C2orf66: variants seen among roughly 807,000 people sequenced by gnomAD.
C2orf66 encodes chromosome 2 open reading frame 66, also known as uncharacterized protein C2orf66.
A neutral mutation model predicts 7.0 loss-of-function variants in C2orf66; 6 were observed. The ratio of observed to expected loss-of-function variants is 0.86; its 90% CI spans 0.47 to 1.69. C2orf66 has a LOEUF of 1.69. Among genes scored for constraint, C2orf66 ranks in the 40% most tolerant of loss-of-function variants. The pLI is 0.01. For missense variants in C2orf66, 107 were observed against 112.0 expected, an observed-to-expected ratio of 0.96 and a Z score of 0.20; for synonymous variants, 38 against 43.8, an observed-to-expected ratio of 0.87 and a Z score of 0.52.
At chr2:196,812,697 C>T (rs573005208), upstream of C2orf66, among the ~76,000 whole-genome samples, 5 of 152,194 alleles carry the variant, frequency 3.3e-5, no homozygotes, top group African/African-American at 9.6e-5. Context: ...TTGTCTCAGC[C>T]CAAAATCTCC....
the C2orf66 span, among the ~76,000 whole-genome samples, chr2:196,814,876 A>G: frequency 6.6e-6 from 1 of 152,384 alleles, no homozygotes; most frequent in South Asian, 2.1e-4. Flanking sequence ...AAGGTAACAT[A>G]CATACTATAG....
the C2orf66 span, among the ~76,000 whole-genome samples, chr2:196,828,230 TCACACACA>T: frequency 0.08 from 10,006 of 124,996 alleles, 383 homozygotes; most frequent in South Asian, 0.12. Context: ...TCTCTCTCTC[TCACACACA>T]CACACACACA....
rs1056062627 is a variant in C2orf66, at chr2:196,805,255, C to T, written c.*173G>A. 11 of 151,676 alleles carry T rather than the reference C, an allele frequency of 7.3e-5. No homozygotes were observed. Among genetic ancestry groups the T allele is most frequent in the Admixed American group, 2.0e-4 (3 of 15,222 alleles). The allele number at this position is 151,676 out of a possible 1,614,324, so 9.4% of individuals were successfully genotyped here. ...ATATGCATAGAAATCATAGTTCCAG[C>T]GATTTATATGTAAATATGGAAATGT... On this transcript the variant is annotated 3_prime_UTR_variant, in exon 3 of 3. Transcript: ENST00000342506.
chr2:196,811,167 G>A (rs146603064), upstream of C2orf66, among the ~76,000 whole-genome samples: 17 of 152,326 alleles, frequency 1.1e-4, no homozygotes, highest in South Asian at 4.1e-4. Flanking sequence ...TATGCCAGGC[G>A]TAGAGGGAGC....
chr2:196,816,231 G>C, the C2orf66 span, among the ~76,000 whole-genome samples: 17 of 152,300 alleles, frequency 1.1e-4, no homozygotes, highest in South Asian at 3.5e-3. Context: ...GATTCTATGA[G>C]ACCCAGAGGA....
the C2orf66 span, among the ~76,000 whole-genome samples, chr2:196,828,184 C>A: frequency 6.9e-6 from 1 of 145,272 alleles, no homozygotes; most frequent in Non-Finnish European, 1.5e-5. Context: ...ACAAGCAGAG[C>A]AAATCCATTT....
At chr2:196,831,487 G>T in the C2orf66 span, among the ~76,000 whole-genome samples, 3 of 152,124 alleles carry the variant, frequency 2.0e-5, no homozygotes, top group Non-Finnish European at 4.4e-5. Context: ...CCTGGACAGA[G>T]TGGGCCACCT....
the C2orf66 span, among the ~76,000 whole-genome samples, chr2:196,825,060 C>T: frequency 1.3e-5 from 2 of 151,798 alleles, no homozygotes; most frequent in African/African-American, 4.8e-5. Context: ...ACAGTGAAAC[C>T]ACATCTCTAC....
At chr2:196,813,667 G>T (rs1033176269), upstream of C2orf66, among the ~76,000 whole-genome samples, 6 of 152,102 alleles carry the variant, frequency 3.9e-5, no homozygotes, top group African/African-American at 1.4e-4. Flanking sequence ...GAAAATTTTT[G>T]CAATCTATCT....
chr2:196,829,588 C>CAAAAACAAAA, the C2orf66 span, among the ~76,000 whole-genome samples: 14 of 148,270 alleles, frequency 9.4e-5, no homozygotes, highest in Non-Finnish European at 1.8e-4. Flanking sequence ...GACTCTGTCT[C>CAAAAACAAAA]AAAAACAAAA....
the C2orf66 span, among the ~76,000 whole-genome samples, chr2:196,819,517 G>A: frequency 6.6e-6 from 1 of 152,132 alleles, no homozygotes; most frequent in African/African-American, 2.4e-5. Context: ...TGTGAGAAAT[G>A]AATGTCTGTT....
chr2:196,830,597 T>C, the C2orf66 span, among the ~76,000 whole-genome samples: 1 of 152,208 alleles, frequency 6.6e-6, no homozygotes, highest in Non-Finnish European at 1.5e-5. Context: ...AAGAGGAGCA[T>C]TTACAAAGCC....
At chr2:196,828,885 T>A in the C2orf66 span, among the ~76,000 whole-genome samples, 1 of 152,122 alleles carries the variant, frequency 6.6e-6, no homozygotes, top group African/African-American at 2.4e-5. Context: ...GGAATGAGCC[T>A]CAGATGGGAC....
intron 2 of C2orf66, among the ~76,000 whole-genome samples, chr2:196,806,152 A>G (rs1699817407): frequency 6.6e-6 from 1 of 152,170 alleles, no homozygotes; most frequent in Non-Finnish European, 1.5e-5. Flanking sequence ...GCTAAACAAA[A>G]AGCTAATGGA....
At chr2:196,828,841 T>C in the C2orf66 span, among the ~76,000 whole-genome samples, 1 of 152,098 alleles carries the variant, frequency 6.6e-6, no homozygotes, top group Non-Finnish European at 1.5e-5. Context: ...ACCTCAGCCC[T>C]AGGACCACAT....
the C2orf66 span, among the ~76,000 whole-genome samples, chr2:196,818,544 A>C: frequency 6.6e-6 from 1 of 152,304 alleles, no homozygotes; most frequent in Non-Finnish European, 1.5e-5. Context: ...ATCCTGCCCT[A>C]AGTTCAAGCC....
the C2orf66 span, among the ~76,000 whole-genome samples, chr2:196,814,993 C>T: frequency 3.3e-5 from 5 of 152,010 alleles, no homozygotes; most frequent in Admixed American, 6.6e-5. Context: ...GAGACAGGGC[C>T]GTACTCTGCC....
chr2:196,809,290 AGCAGCACCAG>A lies in C2orf66; in HGVS notation c.37_46del (p.Val14GlyfsTer3). ...TACTGTGGCTCCATTCACATGCCCA[AGCAGCACCAG>A]GGCAACACATAGTAGCAGGAGAGGT... On this transcript the variant is annotated frameshift_variant, in exon 1 of 3. Transcript: ENST00000342506. LOFTEE classifies it high-confidence loss of function. The A allele has an allele frequency of 1.2e-6, 2 of 1,614,130 alleles. No homozygotes were observed. The highest frequency in any genetic ancestry group is 8.5e-7 in the Non-Finnish European group (1 of 1,179,984).
the C2orf66 span, among the ~76,000 whole-genome samples, chr2:196,821,864 T>C: frequency 1.3e-5 from 2 of 150,044 alleles, no homozygotes; most frequent in Non-Finnish European, 3.0e-5. Context: ...TGGGACATAA[T>C]TGGGGAAATG....
Sources: gnomAD v4.1 joint callset for allele counts (sites outside exome capture counted in the v4.1 genomes callset) on GRCh38, gnomAD v4.1.1 for gene constraint, MANE v1.5 for transcripts, NCBI Gene and HGNC (gene_info 2026-07-23, HGNC 2026-07-21) for gene names.